Variants in PTPRD observed in about 807,000 individuals in gnomAD.
PTPRD encodes the protein receptor-type tyrosine-protein phosphatase delta.
Under a neutral mutation model 214.5 loss-of-function variants are expected in PTPRD, and 34 were observed. The observed-to-expected ratio is 0.16, with a 90% confidence interval of 0.12 to 0.21. The LOEUF is 0.21. Ranked by LOEUF, PTPRD falls within the 10% of genes least tolerant of loss-of-function variation. The pLI, the probability that PTPRD is intolerant of heterozygous loss-of-function variation, is 1.00. For missense variants in PTPRD, 2,545 were observed against 2,398.7 expected, an observed-to-expected ratio of 1.06 and a Z score of -1.27; for synonymous variants, 1,128 against 845.7, an observed-to-expected ratio of 1.33 and a Z score of -5.79.
chr9:10,519,662 G>T, intron 2 of PTPRD, among the ~76,000 whole-genome samples: 1 of 151,956 alleles, frequency 6.6e-6, no homozygotes. Flanking sequence ...TGCCAATTTT[G>T]CAATAGCATG....
intron 8 of PTPRD, among the ~76,000 whole-genome samples, chr9:9,445,832 G>C (rs1273420909): frequency 1.3e-5 from 2 of 152,114 alleles, no homozygotes; most frequent in Non-Finnish European, 2.9e-5. Context: ...GGTCTTTATA[G>C]ACAGCAGAAA....
chr9:10,311,783 G>A (rs1354003242), intron 3 of PTPRD, among the ~76,000 whole-genome samples: 2 of 152,000 alleles, frequency 1.3e-5, no homozygotes, highest in African/African-American at 4.8e-5. Flanking sequence ...AGATAACTAG[G>A]TTAGCCATAA....
intron 2 of PTPRD, among the ~76,000 whole-genome samples, chr9:10,540,802 TC>T (rs1459493567): frequency 6.6e-6 from 1 of 151,862 alleles, no homozygotes; most frequent in African/African-American, 2.4e-5. Flanking sequence ...GTGTGTAGAC[TC>T]AGACTAGAAC....
chr9:9,314,103 ATTTG>A (rs1344774063), intron 9 of PTPRD, among the ~76,000 whole-genome samples: 2 of 152,092 alleles, frequency 1.3e-5, no homozygotes, highest in Admixed American at 1.3e-4. Context: ...TTTCACCATT[ATTTG>A]TTTGTTTGAA....
intron 11 of PTPRD, among the ~76,000 whole-genome samples, chr9:8,783,704 C>T (rs191102634): frequency 1.3e-5 from 2 of 152,248 alleles, no homozygotes; most frequent in Admixed American, 1.3e-4. Flanking sequence ...AGATGACAAA[C>T]GGCTCAGTTC....
At chr9:8,732,023 G>T (rs546582128) in intron 12 of PTPRD, among the ~76,000 whole-genome samples, 2 of 152,170 alleles carry the variant, frequency 1.3e-5, no homozygotes, top group Non-Finnish European at 2.9e-5. Flanking sequence ...ACTAAAAATT[G>T]CTAACAAGGG....
intron 36 of PTPRD, among the ~76,000 whole-genome samples, chr9:8,402,781 A>G (rs919011155): frequency 6.6e-6 from 1 of 152,124 alleles, no homozygotes; most frequent in African/African-American, 2.4e-5. Context: ...ACAGTTTTTA[A>G]ACAGAATTTG....
chr9:10,503,210 A>AAC (rs2044475834), intron 2 of PTPRD, among the ~76,000 whole-genome samples: 2 of 149,324 alleles, frequency 1.3e-5, no homozygotes, highest in South Asian at 4.2e-4. Flanking sequence ...AAAAAAAACA[A>AAC]AAAAAAACAC....
At chr9:10,248,533 A>AAAC (rs60272481) in intron 3 of PTPRD, among the ~76,000 whole-genome samples, 16,076 of 126,158 alleles carry the variant, frequency 0.13, 1,756 homozygotes, top group African/African-American at 0.24. Flanking sequence ...AAAATAAAAA[A>AAAC]AATAAAGCGA....
intron 12 of PTPRD, among the ~76,000 whole-genome samples, chr9:8,638,259 A>G (rs1269315762): frequency 6.6e-6 from 1 of 152,178 alleles, no homozygotes; most frequent in East Asian, 1.9e-4. Flanking sequence ...GAAAAAAGTC[A>G]TAACAAAGTT....
At chr9:10,169,473 C>CAAAAAAAAAAAAAAAAAAAAAA (rs59335943) in intron 3 of PTPRD, among the ~76,000 whole-genome samples, 32 of 66,802 alleles carry the variant, frequency 4.8e-4, no homozygotes, top group African/African-American at 2.2e-3. Context: ...GACTCTGTCT[C>CAAAAAAAAAAAAAAAAAAAAAA]AAAAAAAAAA....
At chr9:9,234,026 G>A (rs962781472) in intron 9 of PTPRD, among the ~76,000 whole-genome samples, 4 of 152,122 alleles carry the variant, frequency 2.6e-5, no homozygotes, top group African/African-American at 9.7e-5. Flanking sequence ...TGGGGACTCT[G>A]TGTGGGGGCT....
At chr9:10,205,807 A>G (rs1291919438) in intron 3 of PTPRD, among the ~76,000 whole-genome samples, 1 of 152,182 alleles carries the variant, frequency 6.6e-6, no homozygotes, top group East Asian at 1.9e-4. Flanking sequence ...TAATAATTTT[A>G]AATGAAATGT....
intron 12 of PTPRD, among the ~76,000 whole-genome samples, chr9:8,644,888 C>T (rs1298578344): frequency 6.6e-6 from 1 of 152,140 alleles, no homozygotes; most frequent in African/African-American, 2.4e-5. Context: ...GTGCAGCCTG[C>T]CAGGCCAGGT....
At chr9:8,774,584 G>A (rs1404250076) in intron 11 of PTPRD, among the ~76,000 whole-genome samples, 1 of 140,922 alleles carries the variant, frequency 7.1e-6, no homozygotes, top group Admixed American at 7.7e-5. Flanking sequence ...GCCCAGGCTG[G>A]AGTGCAATGG....
chr9:10,038,251 T>C (rs971405155), intron 3 of PTPRD, among the ~76,000 whole-genome samples: 5 of 152,136 alleles, frequency 3.3e-5, no homozygotes, highest in African/African-American at 1.2e-4. Context: ...TTTAACATTT[T>C]GCCCTTATCA....
intron 40 of PTPRD, 53 bp from the exon 41 acceptor site, chr9:8,341,321 C>T (rs1416326074): frequency 5.9e-6 from 9 of 1,522,180 alleles, no homozygotes; most frequent in East Asian, 4.5e-5. Flanking sequence ...TCATTTTCAC[C>T]TACAGTTTGA....
At chr9:10,150,810 T>C (rs571200935) in intron 3 of PTPRD, among the ~76,000 whole-genome samples, 33 of 152,080 alleles carry the variant, frequency 2.2e-4, no homozygotes, top group Non-Finnish European at 4.6e-4. Context: ...GAACATTTAC[T>C]GTGGGTAGTA....
At chr9:10,407,912 A>T (rs1177519770) in intron 2 of PTPRD, among the ~76,000 whole-genome samples, 1 of 151,548 alleles carries the variant, frequency 6.6e-6, no homozygotes, top group Non-Finnish European at 1.5e-5. Context: ...AACTCATAGT[A>T]AGACTTTTTC....
Sources: allele counts gnomAD v4.1 joint callset (sites outside exome capture counted in the v4.1 genomes callset), GRCh38; gene constraint gnomAD v4.1.1; transcripts MANE v1.5; gene names NCBI Gene and HGNC (gene_info 2026-07-23, HGNC 2026-07-21).